The following UQCC6 variants were observed in gnomAD, a reference collection of about 807,000 sequenced individuals.
The protein encoded by UQCC6 is protein BRAWNIN.
chr12:103,959,928 T>C, the UQCC6 span, among the ~76,000 whole-genome samples: 45,897 of 144,848 alleles, frequency 0.32, 7,972 homozygotes, highest in Non-Finnish European at 0.39. Context: ...CACGCCACCA[T>C]GCCCAGCTAA....
At chr12:103,950,296 G>A in the UQCC6 span, 1,158 of 152,290 alleles carry the variant, frequency 7.6e-3, 18 homozygotes, top group African/African-American at 0.025. Flanking sequence ...GGTCTATGAA[G>A]GCACACCCTT....
At chr12:103,964,219 C>A in the UQCC6 span, among the ~76,000 whole-genome samples, 1 of 137,126 alleles carries the variant, frequency 7.3e-6, no homozygotes, top group African/African-American at 2.8e-5. Context: ...GTGGTTCGAT[C>A]TCAGCTCACT....
chr12:103,958,349 AG>A, the UQCC6 span, among the ~76,000 whole-genome samples: 1 of 152,186 alleles, frequency 6.6e-6, no homozygotes, highest in South Asian at 2.1e-4. Flanking sequence ...ACATATTTAA[AG>A]TATACAATAT....
chr12:103,956,106 G>A, the UQCC6 span, among the ~76,000 whole-genome samples: 9 of 152,034 alleles, frequency 5.9e-5, no homozygotes, highest in Non-Finnish European at 1.2e-4. Context: ...AACAAAAGAT[G>A]AGACGGAATC....
At chr12:103,954,978 G>GA in the UQCC6 span, 6 of 700,654 alleles carry the variant, frequency 8.6e-6, no homozygotes, top group Non-Finnish European at 1.6e-5. Flanking sequence ...TCTGAAAACA[G>GA]AAATAACACC....
At chr12:103,957,964 A>ATTATATATTTTAATATATAT in the UQCC6 span, among the ~76,000 whole-genome samples, 2 of 143,576 alleles carry the variant, frequency 1.4e-5, no homozygotes, top group African/African-American at 5.2e-5. Context: ...TTTAATATAT[A>ATTATATATTTTAATATATAT]TTATATATTT....
chr12:103,952,437 T>C, the UQCC6 span, among the ~76,000 whole-genome samples: 1 of 152,250 alleles, frequency 6.6e-6, no homozygotes, highest in Non-Finnish European at 1.5e-5. Context: ...TAATAGGCAT[T>C]TGGATTTTCC....
the UQCC6 span, among the ~76,000 whole-genome samples, chr12:103,959,018 TC>T: frequency 6.6e-6 from 1 of 152,198 alleles, no homozygotes; most frequent in Non-Finnish European, 1.5e-5. Context: ...AAATGCACCT[TC>T]CCAAAAAGAA....
the UQCC6 span, among the ~76,000 whole-genome samples, chr12:103,964,190 T>C: frequency 8.1e-6 from 1 of 123,608 alleles, no homozygotes; most frequent in Non-Finnish European, 1.6e-5. Context: ...TCTCACTCTG[T>C]AGCCCAGGCT....
chr12:103,952,624 T>C, the UQCC6 span, among the ~76,000 whole-genome samples: 3 of 152,248 alleles, frequency 2.0e-5, no homozygotes, highest in Non-Finnish European at 2.9e-5. Flanking sequence ...CACTATTTTA[T>C]ATTCCCATCA....
At chr12:103,959,625 T>C in the UQCC6 span, among the ~76,000 whole-genome samples, 2 of 151,448 alleles carry the variant, frequency 1.3e-5, no homozygotes, top group South Asian at 2.1e-4. Context: ...GGCAGGAGAA[T>C]TGCTTGAATC....
chr12:103,950,792 C>G, the UQCC6 span: 12 of 152,204 alleles, frequency 7.9e-5, no homozygotes, highest in Middle Eastern at 3.4e-3. Context: ...GATTTTTCAC[C>G]TTCATGAAGT....
chr12:103,953,495 C>T, the UQCC6 span: 3 of 702,390 alleles, frequency 4.3e-6, no homozygotes, highest in Non-Finnish European at 7.8e-6. Flanking sequence ...CTGCCCAGAC[C>T]TTCCAGTTCT....
At chr12:103,958,906 C>CCTG in the UQCC6 span, among the ~76,000 whole-genome samples, 137,585 of 152,050 alleles carry the variant, frequency 0.9, 62,318 homozygotes, top group East Asian at 1. Context: ...ACAAAAACCT[C>CCTG]CTTTCTTAAT....
the UQCC6 span, chr12:103,950,514 G>C: frequency 4.6e-5 from 7 of 152,226 alleles, no homozygotes; most frequent in Admixed American, 3.9e-4. Context: ...GCATGGCTTT[G>C]AGCAAGGCCA....
chr12:103,957,006 A>C, the UQCC6 span: 2 of 480,540 alleles, frequency 4.2e-6, no homozygotes, highest in Non-Finnish European at 7.6e-6. Flanking sequence ...TGCGGCATTA[A>C]AGGGAGCTCT....
chr12:103,958,631 A>G, the UQCC6 span, among the ~76,000 whole-genome samples: 1 of 152,230 alleles, frequency 6.6e-6, no homozygotes, highest in South Asian at 2.1e-4. Context: ...TGCATGTCTT[A>G]GTAGTTCACT....
chr12:103,960,950 T>A, the UQCC6 span, among the ~76,000 whole-genome samples: 20,478 of 150,328 alleles, frequency 0.14, 1,461 homozygotes, highest in Admixed American at 0.2. Flanking sequence ...TTTATTCTTT[T>A]TTAAAAAAAA....
chr12:103,951,850 G>A, the UQCC6 span, among the ~76,000 whole-genome samples: 227 of 152,232 alleles, frequency 1.5e-3, no homozygotes, highest in African/African-American at 5.4e-3. Flanking sequence ...TCAGCATTAC[G>A]TACTGCAGGA....
Sources: allele counts gnomAD v4.1 joint callset (sites outside exome capture counted in the v4.1 genomes callset), GRCh38; gene constraint gnomAD v4.1.1; transcripts MANE v1.5; gene names NCBI Gene and HGNC (gene_info 2026-07-23, HGNC 2026-07-21).